The following DNAH11 variants were observed in gnomAD, a reference collection of about 807,000 sequenced individuals.
DNAH11 encodes the protein dynein axonemal heavy chain 11, also known as axonemal beta dynein heavy chain 11.
In DNAH11, 442 loss-of-function variants were observed where a neutral mutation model predicts 526.0. The observed-to-expected ratio is 0.84, with a 90% CI of 0.78 to 0.91. DNAH11 has a LOEUF of 0.91. Ranked by LOEUF, DNAH11 falls within the 40% of genes least tolerant of loss-of-function variation. DNAH11 has a pLI of 0.00. For synonymous variants in DNAH11, 2,461 were observed against 1,935.9 expected (o/e 1.27, Z -7.12); for missense variants, 6,989 against 5,448.7 (o/e 1.28, Z -8.90).
chr7:21,873,723 A>G (rs1377645640), intron 74 of DNAH11, among the ~76,000 whole-genome samples: 1 of 151,042 alleles, frequency 6.6e-6, no homozygotes, highest in Non-Finnish European at 1.5e-5. Context: ...TCACCCTAAC[A>G]TTAAGAAAAC....
intron 68 of DNAH11, among the ~76,000 whole-genome samples, chr7:21,861,333 T>C (rs919093261): frequency 6.6e-5 from 10 of 152,238 alleles, no homozygotes; most frequent in Admixed American, 2.0e-4. Context: ...TGTTGTACTT[T>C]TGTAATCTTA....
chr7:21,785,312 T>A (rs577245256), intron 58 of DNAH11, among the ~76,000 whole-genome samples: 95 of 152,332 alleles, frequency 6.2e-4, no homozygotes, highest in Admixed American at 2.0e-3. Context: ...ACTAAGGAGA[T>A]ACTTACATGG....
chr7:21,801,560 G>A (rs1788995175), intron 62 of DNAH11, among the ~76,000 whole-genome samples: 2 of 152,170 alleles, frequency 1.3e-5, no homozygotes, highest in Non-Finnish European at 2.9e-5. Context: ...TCCACTTTAA[G>A]ACAATGGAGT....
At chr7:21,639,198 A>G (rs1379508738) in intron 28 of DNAH11, 133 bp downstream of exon 28, 3 of 1,116,884 alleles carry the variant, frequency 2.7e-6, no homozygotes, top group Non-Finnish European at 3.7e-6. Context: ...AAAATTTGTA[A>G]TGTAGCATCA....
At chr7:21,888,431 G>C (rs943175158) in intron 76 of DNAH11, among the ~76,000 whole-genome samples, 1 of 152,062 alleles carries the variant, frequency 6.6e-6, no homozygotes, top group African/African-American at 2.4e-5. Flanking sequence ...GCTGGATGCT[G>C]GTTCTCCAGT....
chr7:21,884,291 G>A lies in DNAH11; in HGVS notation c.12388G>A (p.Val4130Ile). The A allele has an allele frequency of 1.2e-6, 2 of 1,603,754 alleles. No homozygotes were observed. The highest frequency in any genetic ancestry group is 8.5e-7 in the Non-Finnish European group (1 of 1,175,946). The change falls in exon 76 of 82, where the codon GTC becomes ATC. Residue 4130 changes from valine (V) to isoleucine (I), a missense_variant and splice_region_variant. By Grantham distance (29) the Val-to-Ile change is conservative (BLOSUM62 3). Transcript: ENST00000409508. ...LYNYLEANSKVPWEDLRYLFG... is the reference protein window; with the variant it reads ...LYNYLEANSKIPWEDLRYLFG... ...AATATTTGTGTGGTTTTCTCCACAG[G>A]TCCCATGGGAAGATCTCCGTTATCT...
At chr7:21,590,752 G>A (rs1242185177) in intron 12 of DNAH11, among the ~76,000 whole-genome samples, 166 bp from the exon 13 acceptor site, 1 of 152,062 alleles carries the variant, frequency 6.6e-6, no homozygotes, top group African/African-American at 2.4e-5. Context: ...TATTATGAAT[G>A]TATGATTTTT....
intron 29 of DNAH11, among the ~76,000 whole-genome samples, chr7:21,657,607 T>C (rs1228201960): frequency 6.6e-6 from 1 of 152,180 alleles, no homozygotes; most frequent in Admixed American, 6.5e-5. Context: ...CCAGGAGACA[T>C]ACAATAATGA....
At chr7:21,622,278 C>T (rs1024653241) in intron 25 of DNAH11, among the ~76,000 whole-genome samples, 6 of 152,080 alleles carry the variant, frequency 3.9e-5, no homozygotes, top group Non-Finnish European at 7.4e-5. Context: ...TGAAGGACCT[C>T]TTCAAGGAGA....
chr7:21,681,260 C>T (rs962562954), intron 30 of DNAH11, among the ~76,000 whole-genome samples: 3 of 152,010 alleles, frequency 2.0e-5, no homozygotes, highest in African/African-American at 7.2e-5. Flanking sequence ...AATCATGTCC[C>T]TACGAAAAAT....
rs1313133482 is a variant in DNAH11 at position 21,741,917 on chromosome 7, T to C, written c.7915-10T>C. 1 of 1,613,108 alleles carries C rather than the reference T, an allele frequency of 6.2e-7. No individual in the cohort carries two copies. Among genetic ancestry groups the C allele is most frequent in the Non-Finnish European group, 8.5e-7 (1 of 1,179,436 alleles). ...AATCCTTACACTCTTATATTTGCTT[T>C]TCTTTTCAGAGACATTTCACAGTGT... is the stretch of plus-strand genomic sequence containing the variant. On this transcript the variant is annotated splice_polypyrimidine_tract_variant and intron_variant, in intron 48 of 81. Transcript: ENST00000409508.
chr7:21,797,132 T>G (rs928091184), intron 61 of DNAH11, among the ~76,000 whole-genome samples: 1 of 152,104 alleles, frequency 6.6e-6, no homozygotes, highest in African/African-American at 2.4e-5. Flanking sequence ...CAAACAATAT[T>G]AAGAGTCCCT....
Position 21,600,780 on chromosome 7 carries a change from G to C in DNAH11, c.3105G>C (p.Glu1035Asp). The C allele has an allele frequency of 2.5e-6, 4 of 1,613,856 alleles. No homozygotes were observed. Among genetic ancestry groups the C allele is most frequent in the Non-Finnish European group, 3.4e-6 (4 of 1,179,828 alleles). The change falls in exon 16 of 82, where the codon GAG becomes GAC. Residue 1035 changes from glutamate to aspartate, a missense_variant. Coordinates refer to ENST00000409508, the MANE Select transcript of DNAH11 (RefSeq NM_001277115.2). ...NKVLDFRNTLETHTYLWVDDR... is the reference protein window; with the variant it reads ...NKVLDFRNTLDTHTYLWVDDR... ...TCTTAGATTTCAGAAACACCCTGGAGACCCACACTTACCTCTGGGTGGATG... is the reference window on the plus strand; with the variant it reads ...TCTTAGATTTCAGAAACACCCTGGACACCCACACTTACCTCTGGGTGGATG...
chr7:21,884,921 T>C (rs1784068767), intron 76 of DNAH11, among the ~76,000 whole-genome samples: 1 of 152,154 alleles, frequency 6.6e-6, no homozygotes, highest in East Asian at 1.9e-4. Flanking sequence ...AGTTACTCAA[T>C]TATAATATGT....
chr7:21,591,258 C>T lies in DNAH11; in HGVS notation c.2348C>T (p.Pro783Leu), dbSNP rs986264020. Residue 783 changes from proline (P) to leucine (L), a missense_variant, in exon 14 of 82, where the codon CCT (proline) becomes CTT (leucine). Transcript: ENST00000409508. ...CAGACGCTCCTGGAAGTTGAATACC[C>T]TCTGATTGAAGATGAGCTGAGGGCT... ...LKQTLLEVEY[P>L]LIEDELRAID... 2 of 1,604,974 alleles carry T rather than the reference C, an allele frequency of 1.2e-6. No homozygotes were observed. Among genetic ancestry groups the T allele is most frequent in the East Asian group, 4.5e-5 (2 of 44,720 alleles).
chr7:21,691,005 TG>T, intron 35 of DNAH11, 124 bp downstream of exon 35: 1 of 690,244 alleles, frequency 1.4e-6, no homozygotes, highest in Non-Finnish European at 2.5e-6. Flanking sequence ...ATGATTTCCT[TG>T]GGCTCCTTTT....
Position 21,894,609 on chromosome 7 carries a change from G to C in DNAH11, c.12751-14G>C. On this transcript the variant is annotated splice_polypyrimidine_tract_variant and intron_variant, in intron 77 of 81. Coordinates refer to ENST00000409508, the MANE Select transcript of DNAH11 (RefSeq NM_001277115.2). ...AAATAGAAAGGAGCTAAATCTTTGTGTTACTGATTTAAGGTTAAGAATGTC... is the reference window on the plus strand; with the variant it reads ...AAATAGAAAGGAGCTAAATCTTTGTCTTACTGATTTAAGGTTAAGAATGTC... The C allele has an allele frequency of 3.1e-6, 5 of 1,611,326 alleles. 1 individual carries two copies. The South Asian group carries it at 5.5e-5, about 18-fold the overall frequency.
intron 36 of DNAH11, 43 bp from the exon 37 acceptor site, chr7:21,702,667 C>A: frequency 1.3e-6 from 2 of 1,538,406 alleles, no homozygotes; most frequent in East Asian, 4.5e-5. Flanking sequence ...GAATCTTCTT[C>A]CCTCATACAA....
intron 30 of DNAH11, among the ~76,000 whole-genome samples, chr7:21,673,237 T>C (rs1041652042): frequency 1.3e-4 from 20 of 152,202 alleles, no homozygotes; most frequent in African/African-American, 4.8e-4. Flanking sequence ...TTGTAAAATA[T>C]ACAGTGAGAT....
Sources: gnomAD v4.1 joint callset for allele counts (sites outside exome capture counted in the v4.1 genomes callset) on GRCh38, gnomAD v4.1.1 for gene constraint, MANE v1.5 for transcripts, NCBI Gene and HGNC (gene_info 2026-07-23, HGNC 2026-07-21) for gene names.